The following ZNF184 variants were observed in gnomAD, a reference collection of about 807,000 sequenced individuals.
ZNF184 encodes zinc finger protein 184 (Kruppel-like).
In ZNF184, 16 loss-of-function variants were observed where a neutral mutation model predicts 54.4. The ratio of observed to expected loss-of-function variants is 0.29; its 90% CI spans 0.20 to 0.45. The LOEUF (loss-of-function observed/expected upper bound fraction) is 0.45, where lower values mean the gene tolerates loss of function less well. Ranked by LOEUF, ZNF184 falls within the 20% of genes least tolerant of loss-of-function variation. ZNF184 has a pLI of 1.00. For synonymous variants in ZNF184, 254 were observed against 295.3 expected, an observed-to-expected ratio of 0.86 and a Z score of 1.43; for missense variants, 681 against 888.2, an observed-to-expected ratio of 0.77 and a Z score of 2.97.
intron 3 of ZNF184, among the ~76,000 whole-genome samples, chr6:27,465,346 A>G (rs554511088): frequency 3.3e-5 from 5 of 149,928 alleles, no homozygotes; most frequent in Middle Eastern, 3.5e-3. Flanking sequence ...TTAGCCAGGC[A>G]TGGTGGCAGG....
At chr6:27,407,631 G>A in the ZNF184 span, 1 of 598,908 alleles carries the variant, frequency 1.7e-6, no homozygotes, top group Non-Finnish European at 3.0e-6. Flanking sequence ...ACAAGTGGAG[G>A]TGTGTGCCTG....
chr6:27,407,758 C>T, the ZNF184 span: 1 of 772,136 alleles, frequency 1.3e-6, no homozygotes, highest in Admixed American at 1.7e-5. Flanking sequence ...GCGGAGATGT[C>T]ACTACAAGAT....
At chr6:27,407,747 G>T in the ZNF184 span, 1 of 767,888 alleles carries the variant, frequency 1.3e-6, no homozygotes, top group Non-Finnish European at 2.4e-6. Context: ...ACAAACCAGA[G>T]GCGGAGATGT....
Position 27,452,078 on chromosome 6 carries a change from C to A in ZNF184, c.1481G>T (p.Arg494Ile). ...AAAGGGCTTTTCTCTCGTGTGAATT[C>A]TCCGATGTTGAGTAAGGGATGAGCA... ...SYCSSLTQHR[R>I]IHTREKPFEC... Residue 494 changes from arginine (R) to isoleucine (I), a missense_variant, in exon 6 of 6, where the codon AGA (arginine) becomes ATA (isoleucine). Arg to Ile is a moderately conservative substitution (Grantham distance 97). Transcript: ENST00000683788. This position sits in a 1 kb window ranked among gnomAD's most constrained non-coding sequence, Gnocchi z 5.5. 6.2e-7 allele frequency: 1 copy of A among 1,613,860 alleles called. No individual in the cohort carries two copies. The highest frequency in any genetic ancestry group is 8.5e-7 in the Non-Finnish European group (1 of 1,179,970).
chr6:27,471,153 G>A (rs575253030), intron 2 of ZNF184, among the ~76,000 whole-genome samples: 3 of 152,262 alleles, frequency 2.0e-5, no homozygotes, highest in Admixed American at 6.5e-5. Context: ...ATAGGGACAT[G>A]TCATAAGCCT....
the ZNF184 span, among the ~76,000 whole-genome samples, chr6:27,415,468 G>A: frequency 6.6e-6 from 1 of 152,170 alleles, no homozygotes; most frequent in Admixed American, 6.5e-5. Context: ...GAACTTCAGT[G>A]TTCTAAGGAC....
In ZNF184 at chr6:27,451,556, T is replaced by C. The variant is rs1762721593; in HGVS notation, c.2003A>G (p.Lys668Arg). Residue 668 changes from lysine (K) to arginine (R), a missense_variant, in exon 6 of 6, where the codon AAG becomes AGG. Physicochemically the swap from Lys to Arg is conservative, Grantham distance 26. Coordinates refer to ENST00000683788, the MANE Select transcript of ZNF184 (RefSeq NM_001318891.2). ...TQHQRIHTGE[K>R]PYKCNECDKA... is the part of the protein sequence containing the mutation. ...GTCACATTCATTGCACTTATAGGGC[T>C]TCTCCCCAGTGTGAATTCGTTGATG... The C allele has an allele frequency of 9.3e-6, 15 of 1,614,172 alleles. No individual in the cohort carries two copies. Among genetic ancestry groups the C allele is most frequent in the Non-Finnish European group, 1.3e-5 (15 of 1,180,010 alleles).
chr6:27,455,244 A>T (rs1287059231), intron 5 of ZNF184, among the ~76,000 whole-genome samples: 1 of 152,242 alleles, frequency 6.6e-6, no homozygotes, highest in Non-Finnish European at 1.5e-5. Flanking sequence ...AATAAAAAGT[A>T]ACCAAAAGAA....
At chr6:27,424,288 T>G in the ZNF184 span, among the ~76,000 whole-genome samples, 1 of 152,188 alleles carries the variant, frequency 6.6e-6, no homozygotes, top group African/African-American at 2.4e-5. Context: ...AAAAGTAGTG[T>G]GAGCACAAAG....
chr6:27,467,734 G>C (rs1763176218), intron 3 of ZNF184, 119 bp downstream of exon 3: 1 of 902,740 alleles, frequency 1.1e-6, no homozygotes, highest in Non-Finnish European at 1.6e-6. Context: ...CTAGACAGAT[G>C]AGAGCCCAGA....
the ZNF184 span, among the ~76,000 whole-genome samples, chr6:27,429,221 G>A: frequency 2.6e-5 from 4 of 152,138 alleles, no homozygotes; most frequent in Non-Finnish European, 4.4e-5. Context: ...GAAGTAATAG[G>A]GTTAGGATCT....
chr6:27,411,262 C>T, the ZNF184 span, among the ~76,000 whole-genome samples: 1 of 152,164 alleles, frequency 6.6e-6, no homozygotes, highest in African/African-American at 2.4e-5. Flanking sequence ...ACTAACCATT[C>T]ATGAGGAATG....
Position 27,451,121 on chromosome 6 carries a change from CACAG to C in ZNF184, c.*178_*181del. 1.7e-6 allele frequency: 1 copy of C among 593,106 alleles called. No individual in the cohort carries two copies. The highest frequency in any genetic ancestry group is 3.1e-5 in the East Asian group (1 of 32,726). 36.7% of individuals were successfully genotyped at this position (593,106 alleles called of 1,614,324 possible). A position where few individuals can be genotyped will look rare whatever the true frequency, so the allele number is the denominator to read the frequency against. On this transcript the variant is annotated 3_prime_UTR_variant, in exon 6 of 6. Transcript: ENST00000683788. ...TTAAAACAGTAGAGTTTTCTAATGTCACAGAGTGGCTTAATAACAATTGGATTAG... is the reference window on the plus strand; with the variant it reads ...TTAAAACAGTAGAGTTTTCTAATGTCAGTGGCTTAATAACAATTGGATTAG...
intron 3 of ZNF184, among the ~76,000 whole-genome samples, chr6:27,467,616 T>A (rs1763172831): frequency 6.6e-6 from 1 of 152,074 alleles, no homozygotes. Flanking sequence ...GATCCAGTTT[T>A]GTACTTCTTT....
the ZNF184 span, among the ~76,000 whole-genome samples, chr6:27,418,635 G>T: frequency 1.6e-4 from 24 of 152,038 alleles, no homozygotes; most frequent in African/African-American, 4.3e-4. Flanking sequence ...GCACATCATG[G>T]TATAAATTTA....
chr6:27,452,979 C>G lies in ZNF184; in HGVS notation c.580G>C (p.Val194Leu), dbSNP rs775853516. 1.5e-5 allele frequency: 24 copies of G among 1,614,022 alleles called. No individual in the cohort carries two copies. Among genetic ancestry groups the G allele is most frequent in the Non-Finnish European group, 2.5e-6 (3 of 1,180,022 alleles). ...GKSVNVSSNL[V>L]TQEPSPEETS... ...TCTTCTGGAGATGGTTCTTGTGTTA[C>G]AAGGTTTGAACTCACATTGACACTT... Residue 194 changes from valine (V) to leucine (L), a missense_variant, in exon 6 of 6, where the codon GTA becomes CTA. Coordinates refer to ENST00000683788, the MANE Select transcript of ZNF184 (RefSeq NM_001318891.2). This position sits in a 1 kb window ranked among gnomAD's most constrained non-coding sequence, Gnocchi z 5.5.
the ZNF184 span, among the ~76,000 whole-genome samples, chr6:27,443,667 A>G: frequency 6.6e-6 from 1 of 152,084 alleles, no homozygotes; most frequent in South Asian, 2.1e-4. Flanking sequence ...ACCAGGCCCT[A>G]TCTTTTCAAC....
the ZNF184 span, among the ~76,000 whole-genome samples, chr6:27,414,825 C>T: frequency 6.6e-6 from 1 of 152,074 alleles, no homozygotes; most frequent in African/African-American, 2.4e-5. Context: ...GGTTAGCAAA[C>T]AATAGTGTTA....
chr6:27,423,558 C>G, the ZNF184 span, among the ~76,000 whole-genome samples: 1 of 152,112 alleles, frequency 6.6e-6, no homozygotes, highest in Admixed American at 6.5e-5. Flanking sequence ...CAACATTTTC[C>G]TTGCTAACCC....
Sources: allele counts gnomAD v4.1 joint callset (sites outside exome capture counted in the v4.1 genomes callset), GRCh38; gene constraint gnomAD v4.1.1; non-coding constraint Gnocchi (gnomAD v3.1); transcripts MANE v1.5; gene names NCBI Gene and HGNC (gene_info 2026-07-23, HGNC 2026-07-21).